Variants in LIN52 observed in about 807,000 individuals in gnomAD.
LIN52 encodes lin-52 DREAM MuvB core complex component, also known as protein lin-52 homolog.
In LIN52, 4 loss-of-function variants were observed where a neutral mutation model predicts 18.5. That is an observed-to-expected ratio of 0.22 (90% CI 0.11 to 0.49). LIN52 has a LOEUF of 0.49. Ranked by LOEUF, LIN52 falls within the 20% of genes least tolerant of loss-of-function variation. LIN52 has a pLI of 0.97. For synonymous variants in LIN52, 34 were observed against 45.5 expected (o/e 0.75, Z 1.02); for missense variants, 102 against 139.5 (o/e 0.73, Z 1.35).
At chr14:74,111,040 T>C (rs2060923530) in intron 5 of LIN52, among the ~76,000 whole-genome samples, 1 of 152,224 alleles carries the variant, frequency 6.6e-6, no homozygotes, top group African/African-American at 2.4e-5. Context: ...TTGATGAAGT[T>C]ATCTATACAA....
chr14:74,091,773 CAAAA>C (rs573705378), intron 2 of LIN52, among the ~76,000 whole-genome samples: 1 of 65,302 alleles, frequency 1.5e-5, no homozygotes, highest in African/African-American at 5.9e-5. Flanking sequence ...GACTCTGTCT[CAAAA>C]AAAAAAAAAA....
chr14:74,186,416 T>C (rs1443999106), intron 5 of LIN52, among the ~76,000 whole-genome samples: 2 of 152,180 alleles, frequency 1.3e-5, no homozygotes, highest in Non-Finnish European at 2.9e-5. Flanking sequence ...TTGTTCTAAT[T>C]GCTGGGGATA....
At chr14:74,112,721 TC>T (rs1312998160) in intron 5 of LIN52, among the ~76,000 whole-genome samples, 1 of 152,208 alleles carries the variant, frequency 6.6e-6, no homozygotes, top group African/African-American at 2.4e-5. Flanking sequence ...GAATGAAGTG[TC>T]CTGTTCAGCA....
intron 5 of LIN52, among the ~76,000 whole-genome samples, chr14:74,107,836 T>C (rs1345919445): frequency 6.6e-6 from 1 of 152,188 alleles, no homozygotes; most frequent in Non-Finnish European, 1.5e-5. Flanking sequence ...CCTGATACAT[T>C]TGGTTTTTTT....
At chr14:74,197,315 G>A (rs139307979) in intron 5 of LIN52, among the ~76,000 whole-genome samples, 2 of 152,292 alleles carry the variant, frequency 1.3e-5, no homozygotes, top group African/African-American at 4.8e-5. Context: ...CAGTGCAGCA[G>A]AGCAAGGATA....
chr14:74,086,626 G>T (rs2060734047), intron 1 of LIN52, among the ~76,000 whole-genome samples: 1 of 151,986 alleles, frequency 6.6e-6, no homozygotes, highest in African/African-American at 2.4e-5. Flanking sequence ...CTGCACTCCA[G>T]TCTGTGTGAC....
intron 5 of LIN52, among the ~76,000 whole-genome samples, chr14:74,112,426 G>GA (rs2060935333): frequency 6.6e-6 from 1 of 151,722 alleles, no homozygotes; most frequent in East Asian, 1.9e-4. Flanking sequence ...CCACTTAGTA[G>GA]AAAAAAATTC....
intron 5 of LIN52, among the ~76,000 whole-genome samples, chr14:74,185,305 A>ATTT (rs1595190900): frequency 5.4e-4 from 41 of 75,244 alleles, no homozygotes; most frequent in East Asian, 2.6e-3. Flanking sequence ...TTTTATAATG[A>ATTT]TTTCTTTTTT....
chr14:74,150,155 A>G (rs1236444824), intron 5 of LIN52, among the ~76,000 whole-genome samples: 1 of 152,200 alleles, frequency 6.6e-6, no homozygotes, highest in Non-Finnish European at 1.5e-5. Context: ...TTTTTATGCT[A>G]TGTACCCTAG....
intron 5 of LIN52, among the ~76,000 whole-genome samples, chr14:74,188,124 A>G (rs1390656687): frequency 6.6e-6 from 1 of 152,244 alleles, no homozygotes; most frequent in African/African-American, 2.4e-5. Flanking sequence ...AAAAATTCAT[A>G]GAGATTTTTT....
chr14:74,172,141 C>T (rs751388638), intron 5 of LIN52, among the ~76,000 whole-genome samples: 3 of 152,132 alleles, frequency 2.0e-5, no homozygotes, highest in Non-Finnish European at 4.4e-5. Context: ...AGGCTTTGAC[C>T]ATTTCCCTAG....
chr14:74,115,268 A>G (rs768381385), intron 5 of LIN52, among the ~76,000 whole-genome samples: 2 of 152,246 alleles, frequency 1.3e-5, no homozygotes, highest in Admixed American at 6.5e-5. Flanking sequence ...AACAAGTATT[A>G]TAATTATTTA....
rs1402488470 is a variant in LIN52, at chr14:74,097,813, C to A, written c.152C>A (p.Pro51His). 1 of 1,612,716 alleles carries A rather than the reference C, an allele frequency of 6.2e-7. No homozygotes were observed. The highest frequency in any genetic ancestry group is 8.5e-7 in the Non-Finnish European group (1 of 1,178,842). The change falls in exon 4 of 6, where the codon CCC becomes CAC. Residue 51 changes from proline (P) to histidine (H), a missense_variant. By Grantham distance (77) the Pro-to-His change is moderately conservative. Transcript: ENST00000555028. ...SFKSPITSSP[P>H]KWMAEIERDD... The stretch of plus-strand genomic sequence containing the variant: ...TGACAGCCTATTACTAGTTCTCCAC[C>A]CAAATGGATGGCTGAGATAGAACGT...
At chr14:74,114,213 T>C (rs2060949882) in intron 5 of LIN52, 2 of 960,062 alleles carry the variant, frequency 2.1e-6, no homozygotes, top group Non-Finnish European at 2.5e-6. Context: ...TGTGTGTGTG[T>C]AGTTTTAACT....
At chr14:74,179,674 AAAAAG>A (rs139801633) in intron 5 of LIN52, among the ~76,000 whole-genome samples, 24,010 of 70,298 alleles carry the variant, frequency 0.34, 2,143 homozygotes, top group Admixed American at 0.43. Flanking sequence ...AAAAAAGAAA[AAAAAG>A]AAAAAAAAAT....
intron 5 of LIN52, among the ~76,000 whole-genome samples, chr14:74,162,741 C>G (rs1431234318): frequency 6.6e-6 from 1 of 151,992 alleles, no homozygotes; most frequent in Non-Finnish European, 1.5e-5. Flanking sequence ...CTAATCATTT[C>G]ATTTTTCTTG....
At chr14:74,120,037 T>C (rs1479713166) in intron 5 of LIN52, among the ~76,000 whole-genome samples, 1 of 151,850 alleles carries the variant, frequency 6.6e-6, no homozygotes, top group Non-Finnish European at 1.5e-5. Flanking sequence ...AGTTTCACCA[T>C]GTTGGCCAGG....
intron 5 of LIN52, among the ~76,000 whole-genome samples, chr14:74,115,014 C>T (rs373425453): frequency 1.3e-5 from 2 of 152,196 alleles, no homozygotes; most frequent in South Asian, 2.1e-4. Flanking sequence ...CAGTAGACAT[C>T]CAATTCTTTG....
intron 5 of LIN52, among the ~76,000 whole-genome samples, chr14:74,130,278 G>GTTCTTTTTTTTTTTTTTT (rs2061054682): frequency 1.5e-5 from 1 of 64,842 alleles, no homozygotes; most frequent in Non-Finnish European, 2.8e-5. Flanking sequence ...GCATTTTTTG[G>GTTCTTTTTTTTTTTTTTT]TTTTTTTTTT....
Sources: allele counts gnomAD v4.1 joint callset (sites outside exome capture counted in the v4.1 genomes callset), GRCh38; gene constraint gnomAD v4.1.1; transcripts MANE v1.5; gene names NCBI Gene and HGNC (gene_info 2026-07-23, HGNC 2026-07-21).